The following LRCH1 variants were observed in gnomAD, a reference collection of about 807,000 sequenced individuals.
LRCH1 encodes leucine rich repeats and calponin homology domain containing 1.
A neutral mutation model predicts 94.9 loss-of-function variants in LRCH1; 23 were observed. That is an observed-to-expected ratio of 0.24 (90% CI 0.17 to 0.34). The LOEUF (loss-of-function observed/expected upper bound fraction) is 0.34, where lower values mean the gene tolerates loss of function less well. LRCH1 is among the 10% of genes least tolerant of loss of function. LRCH1 has a pLI of 1.00. For missense variants in LRCH1, 790 were observed against 945.9 expected (o/e 0.84, Z 2.16); for synonymous variants, 364 against 354.9 (o/e 1.03, Z -0.29).
Position 46,744,647 on chromosome 13 carries a change from G to C in LRCH1, c.*2799G>C. 1 of 985,378 alleles carries C rather than the reference G, an allele frequency of 1.0e-6. No homozygotes were observed. The highest frequency in any genetic ancestry group is 1.2e-6 in the Non-Finnish European group (1 of 829,924). The allele number at this position is 985,378 out of a possible 1,614,324, so 61.0% of individuals were successfully genotyped here. ...ATTTGTTTGTAAGAAATTAAAACTAGCGCGTGGTGAGCTGGGTTATCTCTC... is the reference window on the plus strand; with the variant it reads ...ATTTGTTTGTAAGAAATTAAAACTACCGCGTGGTGAGCTGGGTTATCTCTC... On this transcript the variant is annotated 3_prime_UTR_variant, in exon 20 of 20. Transcript: ENST00000389797.
chr13:46,659,849 G>C (rs947807417), intron 2 of LRCH1, among the ~76,000 whole-genome samples: 1 of 152,126 alleles, frequency 6.6e-6, no homozygotes, highest in African/African-American at 2.4e-5. Flanking sequence ...TGTGACCTCA[G>C]TACCAGTAGG....
At chr13:46,572,364 CTACTT>C (rs2137921569) in intron 1 of LRCH1, among the ~76,000 whole-genome samples, 1 of 152,330 alleles carries the variant, frequency 6.6e-6, no homozygotes, top group East Asian at 1.9e-4. Flanking sequence ...TACTGCAACA[CTACTT>C]TAAGCTTAGT....
At chr13:46,708,415 G>A (rs1339573778) in intron 13 of LRCH1, among the ~76,000 whole-genome samples, 1 of 151,788 alleles carries the variant, frequency 6.6e-6, no homozygotes, top group African/African-American at 2.4e-5. Flanking sequence ...GGGATTACAG[G>A]TGCCCGCTAC....
At chr13:46,555,796 C>T (rs2050057899) in intron 1 of LRCH1, among the ~76,000 whole-genome samples, 1 of 152,026 alleles carries the variant, frequency 6.6e-6, no homozygotes, top group African/African-American at 2.4e-5. Flanking sequence ...ATTAGAATAC[C>T]CAAATGTATT....
chr13:46,629,073 T>C, intron 1 of LRCH1, among the ~76,000 whole-genome samples: 1 of 152,196 alleles, frequency 6.6e-6, no homozygotes, highest in Non-Finnish European at 1.5e-5. Context: ...TAAAGGTATC[T>C]CAGAGGGCCT....
chr13:46,716,069 G>A (rs1453110209), intron 16 of LRCH1, among the ~76,000 whole-genome samples: 1 of 152,032 alleles, frequency 6.6e-6, no homozygotes, highest in Non-Finnish European at 1.5e-5. Context: ...GATTTCTAAG[G>A]TAATTAAAAT....
At position 46,700,433 on chromosome 13, in the gene LRCH1, C is replaced by T. The variant is rs186311270; in HGVS notation, c.1314-688C>T. 1.7e-4 allele frequency among the ~76,000 whole-genome samples: 26 copies of T among 152,242 alleles called. No homozygotes were observed. In the East Asian group the frequency reaches 1.7e-3, roughly 10 times the overall value. On this transcript the variant is annotated intron_variant, in intron 10 of 19. Transcript: ENST00000389797. ...TCACTGGATATGCTGCTGAGAGCCACGGAGGCCTAGCTTGATTAAACAATC... is the reference window on the plus strand; with the variant it reads ...TCACTGGATATGCTGCTGAGAGCCATGGAGGCCTAGCTTGATTAAACAATC...
At chr13:46,629,188 G>A (rs1654897856) in intron 1 of LRCH1, among the ~76,000 whole-genome samples, 1 of 152,180 alleles carries the variant, frequency 6.6e-6, no homozygotes, top group South Asian at 2.1e-4. Context: ...AGTGAACAGA[G>A]TAGTAAACTG....
rs1391039429 is a variant in LRCH1, at chr13:46,611,439, C to T, written c.308-38762C>T. Among the ~76,000 whole-genome samples the T allele has an allele frequency of 2.0e-5, 3 of 152,206 alleles. No individual in the cohort carries two copies. The South Asian group carries it at 6.2e-4, about 32-fold the overall frequency. On this transcript the variant is annotated intron_variant, in intron 1 of 19. Transcript: ENST00000389797. ...GAGCTCAGCCACCCAGTACTATAGC[C>T]AATAGAGATATTTGGCTCAAAAACA...
chr13:46,706,718 T>C (rs1354099075), intron 13 of LRCH1, among the ~76,000 whole-genome samples: 1 of 151,740 alleles, frequency 6.6e-6, no homozygotes, highest in Admixed American at 6.6e-5. Context: ...ACACCTGTAA[T>C]AATAATTTTA....
At chr13:46,745,450 C>T (rs1231775361), downstream of LRCH1, among the ~76,000 whole-genome samples, 1 of 151,890 alleles carries the variant, frequency 6.6e-6, no homozygotes, top group Non-Finnish European at 1.5e-5. Flanking sequence ...GGTGTTTCCA[C>T]TGAGACTTAG....
chr13:46,750,472 A>G, intron 18 of LRCH1: 2 of 1,121,164 alleles, frequency 1.8e-6, no homozygotes, highest in Non-Finnish European at 2.6e-6. Context: ...GTCATCAACG[A>G]TGTAGCAGGA....
chr13:46,729,052 G>T, intron 18 of LRCH1, 68 bp downstream of exon 18: 1 of 1,460,396 alleles, frequency 6.8e-7, no homozygotes, highest in Non-Finnish European at 9.3e-7. Context: ...TGTTGGTTTA[G>T]GATGTCAATG....
chr13:46,621,653 G>T (rs989783750), intron 1 of LRCH1, among the ~76,000 whole-genome samples: 2 of 152,118 alleles, frequency 1.3e-5, no homozygotes, highest in South Asian at 2.1e-4. Context: ...TTAGAAAAAA[G>T]AAAATCTTAC....
chr13:46,667,865 G>C (rs2051541221), intron 2 of LRCH1, among the ~76,000 whole-genome samples: 1 of 152,164 alleles, frequency 6.6e-6, no homozygotes, highest in Non-Finnish European at 1.5e-5. Flanking sequence ...TATACCCGAA[G>C]AGGAGTACCG....
chr13:46,649,294 A>G (rs945953499), intron 1 of LRCH1, among the ~76,000 whole-genome samples: 5 of 152,162 alleles, frequency 3.3e-5, no homozygotes, highest in Non-Finnish European at 7.4e-5. Flanking sequence ...GGGTGAGGTT[A>G]TCTCTTATTG....
At chr13:46,578,211 T>A (rs574419907) in intron 1 of LRCH1, among the ~76,000 whole-genome samples, 4 of 152,346 alleles carry the variant, frequency 2.6e-5, no homozygotes, top group African/African-American at 9.6e-5. Context: ...TGGTCGTCTG[T>A]GTTTAATTTG....
intron 16 of LRCH1, among the ~76,000 whole-genome samples, chr13:46,720,998 C>T (rs1243476450): frequency 6.6e-6 from 1 of 152,072 alleles, no homozygotes; most frequent in Admixed American, 6.5e-5. Flanking sequence ...TTTTAAAACA[C>T]TTTTGGTTGC....
intron 2 of LRCH1, among the ~76,000 whole-genome samples, chr13:46,657,646 C>T (rs1361749753): frequency 7.3e-6 from 1 of 136,820 alleles, no homozygotes; most frequent in African/African-American, 2.7e-5. Flanking sequence ...CCATTTCAGC[C>T]TCACTAGTAG....
Sources: allele counts gnomAD v4.1 joint callset (sites outside exome capture counted in the v4.1 genomes callset), GRCh38; gene constraint gnomAD v4.1.1; transcripts MANE v1.5; gene names NCBI Gene and HGNC (gene_info 2026-07-23, HGNC 2026-07-21).